The following DSCAML1 variants were observed in gnomAD, a reference collection of about 807,000 sequenced individuals.
DSCAML1 encodes the protein DS cell adhesion molecule like 1.
DSCAML1 carries 38 observed loss-of-function variants against 200.5 expected under a neutral mutation model. That is an observed-to-expected ratio of 0.19 (90% confidence interval 0.15 to 0.25). The LOEUF (loss-of-function observed/expected upper bound fraction) is 0.25, where lower values mean the gene tolerates loss of function less well. DSCAML1 is among the 10% of genes least tolerant of loss of function. The pLI, the probability that DSCAML1 is intolerant of heterozygous loss-of-function variation, is 1.00. For synonymous variants in DSCAML1, 1,215 were observed against 1,165.0 expected (o/e 1.04, Z -0.87); for missense variants, 2,223 against 2,858.8 (o/e 0.78, Z 5.07).
chr11:117,587,611 C>T (rs183620145), intron 3 of DSCAML1, among the ~76,000 whole-genome samples: 42 of 152,300 alleles, frequency 2.8e-4, no homozygotes, highest in African/African-American at 9.6e-4. Flanking sequence ...TGCCTGGAGC[C>T]CCCGCTGCCT....
chr11:117,577,612 G>T (rs1316817689), intron 3 of DSCAML1, among the ~76,000 whole-genome samples: 1 of 147,360 alleles, frequency 6.8e-6, no homozygotes, highest in East Asian at 2.1e-4. Context: ...TGTCGCCCAG[G>T]CTGGAGTGCA....
At chr11:117,473,561 G>T (rs1270421040) in intron 14 of DSCAML1, among the ~76,000 whole-genome samples, 1 of 152,222 alleles carries the variant, frequency 6.6e-6, no homozygotes, top group Non-Finnish European at 1.5e-5. Flanking sequence ...CAGGAGAATT[G>T]GTTCACCAGA....
intron 3 of DSCAML1, among the ~76,000 whole-genome samples, chr11:117,534,359 C>T (rs1257285009): frequency 1.3e-5 from 2 of 152,220 alleles, no homozygotes; most frequent in Admixed American, 6.5e-5. Flanking sequence ...CATCAGCCTT[C>T]GTTTGAATAT....
intron 3 of DSCAML1, among the ~76,000 whole-genome samples, chr11:117,686,509 T>A (rs59071712): frequency 0.14 from 21,739 of 152,216 alleles, 2,351 homozygotes; most frequent in African/African-American, 0.3. Context: ...TCCCCAGCCC[T>A]GGTCCCTGCC....
rs2049207725 is a variant in DSCAML1, at chr11:117,492,682, A to AGCC, written c.2360-10523_2360-10521dup. Among the ~76,000 whole-genome samples, 2 of 152,134 alleles carry AGCC rather than the reference A, an allele frequency of 1.3e-5. 1 individual carries two copies. The highest frequency in any genetic ancestry group is 1.3e-4 in the Admixed American group (2 of 15,272). Reference sequence around the variant, plus strand: ...CAGTGCTGTTTGGCGGTGTGAGATAAGCCGCCACAAAGGGGCATTGTTGGC... The same window carrying AGCC: ...CAGTGCTGTTTGGCGGTGTGAGATAAGCCGCCGCCACAAAGGGGCATTGTTGGC... On this transcript the variant is annotated intron_variant, in intron 11 of 32. Coordinates refer to ENST00000651296, the MANE Select transcript of DSCAML1 (RefSeq NM_020693.4).
intron 3 of DSCAML1, among the ~76,000 whole-genome samples, chr11:117,769,530 TTATATATATTATATATTTTA>T (rs2054997896): frequency 5.5e-5 from 2 of 36,556 alleles, no homozygotes; most frequent in Non-Finnish European, 8.8e-5. Context: ...TATATATATT[TTATATATATTATATATTTTA>T]TATATATATT....
intron 8 of DSCAML1, among the ~76,000 whole-genome samples, chr11:117,514,649 C>A (rs2049720661): frequency 7.8e-6 from 1 of 127,516 alleles, no homozygotes; most frequent in African/African-American, 3.0e-5. Context: ...ATGGCACGAT[C>A]TAAGCTCACT....
At chr11:117,490,467 G>T (rs563791278) in intron 11 of DSCAML1, among the ~76,000 whole-genome samples, 88 of 152,254 alleles carry the variant, frequency 5.8e-4, no homozygotes, top group African/African-American at 2.0e-3. Context: ...CCTGCCACGG[G>T]GATTGCAAAC....
At chr11:117,488,076 C>G (rs749634981) in intron 11 of DSCAML1, among the ~76,000 whole-genome samples, 1 of 151,630 alleles carries the variant, frequency 6.6e-6, no homozygotes, top group Non-Finnish European at 1.5e-5. Context: ...CAGATGGGCG[C>G]TTTCAGCCCC....
chr11:117,573,698 G>A (rs977508667), intron 3 of DSCAML1, among the ~76,000 whole-genome samples: 8 of 152,180 alleles, frequency 5.3e-5, no homozygotes, highest in Admixed American at 1.3e-4. Context: ...TCAGCCCCCC[G>A]TGGAACAGTA....
intron 3 of DSCAML1, among the ~76,000 whole-genome samples, chr11:117,589,276 G>A (rs1565810431): frequency 1.3e-5 from 2 of 152,172 alleles, no homozygotes; most frequent in African/African-American, 4.8e-5. Flanking sequence ...TGCTAGACCC[G>A]GTTGGATTCG....
chr11:117,621,531 G>T (rs994921897), intron 3 of DSCAML1, among the ~76,000 whole-genome samples: 8 of 152,180 alleles, frequency 5.3e-5, no homozygotes, highest in Admixed American at 4.6e-4. Context: ...GAAGCCAGGG[G>T]ATTCTGAGTC....
At chr11:117,806,417 C>A (rs2055707614) in intron 1 of DSCAML1, among the ~76,000 whole-genome samples, 3 of 152,210 alleles carry the variant, frequency 2.0e-5, no homozygotes, top group Non-Finnish European at 4.4e-5. Context: ...AAAGACTCAT[C>A]GGTCCAAACT....
intron 3 of DSCAML1, among the ~76,000 whole-genome samples, chr11:117,766,307 T>C (rs2054897343): frequency 6.6e-6 from 1 of 152,200 alleles, no homozygotes; most frequent in Non-Finnish European, 1.5e-5. Context: ...TCTGAATAAA[T>C]GCTACCCTAC....
At position 117,745,442 on chromosome 11, in the gene DSCAML1, G is replaced by A. The variant is rs528120818; in HGVS notation, c.511+31349C>T. ...CCTTGAGGCCAAGACAGGGTGGGGCGGGGGACAGGGATGGGCAGCACATAA... is the reference window on the plus strand; with the variant it reads ...CCTTGAGGCCAAGACAGGGTGGGGCAGGGGACAGGGATGGGCAGCACATAA... On this transcript the variant is annotated intron_variant, in intron 3 of 32. Coordinates refer to ENST00000651296, the MANE Select transcript of DSCAML1 (RefSeq NM_020693.4). Among the ~76,000 whole-genome samples the A allele has an allele frequency of 8.9e-4, 136 of 152,264 alleles. 1 individual carries two copies. Among genetic ancestry groups the A allele is most frequent in the Non-Finnish European group, 1.4e-3 (95 of 68,000 alleles).
intron 3 of DSCAML1, among the ~76,000 whole-genome samples, chr11:117,708,666 C>T (rs1174059426): frequency 2.0e-5 from 3 of 152,170 alleles, no homozygotes; most frequent in Admixed American, 2.0e-4. Flanking sequence ...TGTTCATTTT[C>T]GGGACTCAAA....
Position 117,477,654 on chromosome 11 carries a change from C to T in DSCAML1, c.2785+2789G>A, listed in dbSNP as rs551571789. 2.0e-4 allele frequency among the ~76,000 whole-genome samples: 31 copies of T among 152,224 alleles called. 1 individual carries two copies. Among genetic ancestry groups the T allele is most frequent in the Admixed American group, 5.9e-4 (9 of 15,296 alleles). On this transcript the variant is annotated intron_variant, in intron 14 of 32. Coordinates refer to ENST00000651296, the MANE Select transcript of DSCAML1 (RefSeq NM_020693.4). ...ATATTTATTAAAAGTTTGCTCTAGC[C>T]CCGTGCTATCATAGATGCTTTCTCT...
intron 32 of DSCAML1, among the ~76,000 whole-genome samples, chr11:117,429,678 T>C (rs1267463605): frequency 1.3e-5 from 2 of 152,102 alleles, no homozygotes; most frequent in African/African-American, 4.8e-5. Context: ...CCAACCTAGT[T>C]CCTTATTTCT....
chr11:117,769,221 A>T (rs1253922128), intron 3 of DSCAML1, among the ~76,000 whole-genome samples: 282 of 5,246 alleles, frequency 0.054, 2 homozygotes, highest in Admixed American at 0.16. Flanking sequence ...TTTTATATAT[A>T]TTGTATATAT....
Sources: gnomAD v4.1 joint callset for allele counts (sites outside exome capture counted in the v4.1 genomes callset) on GRCh38, gnomAD v4.1.1 for gene constraint, MANE v1.5 for transcripts, NCBI Gene and HGNC (gene_info 2026-07-23, HGNC 2026-07-21) for gene names.